The following KLF8 variants were observed in gnomAD, a reference collection of about 807,000 sequenced individuals.
KLF8 encodes the protein Krueppel-like factor 8.
In KLF8, 10 loss-of-function variants were observed where a neutral mutation model predicts 18.2. The observed-to-expected ratio is 0.55, with a 90% CI of 0.34 to 0.93. The LOEUF (loss-of-function observed/expected upper bound fraction) is 0.93. Ranked by LOEUF, KLF8 falls within the 40% of genes least tolerant of loss-of-function variation. The pLI is 0.02. For synonymous variants in KLF8, 109 were observed against 97.3 expected (o/e 1.12, Z -0.71); for missense variants, 264 against 277.9 (o/e 0.95, Z 0.36).
the KLF8 span, among the ~76,000 whole-genome samples, chrX:56,195,323 C>A: frequency 1.8e-5 from 2 of 111,485 alleles, no homozygotes; most frequent in Non-Finnish European, 3.8e-5. Flanking sequence ...CACAAGGAAG[C>A]TAAAACCCTT....
chrX:55,970,557 A>G, the KLF8 span, among the ~76,000 whole-genome samples: 1 of 111,950 alleles, frequency 8.9e-6, no homozygotes, highest in Non-Finnish European at 1.9e-5. Flanking sequence ...TAGTACTGCA[A>G]GTCCTAGCTA....
At chrX:56,146,871 A>G in the KLF8 span, among the ~76,000 whole-genome samples, 2 of 111,983 alleles carry the variant, frequency 1.8e-5, no homozygotes, top group Non-Finnish European at 3.8e-5. Flanking sequence ...TTCTTTCGTT[A>G]TATGAATAGA....
the KLF8 span, among the ~76,000 whole-genome samples, chrX:56,043,519 GT>G: frequency 2.3e-4 from 25 of 110,756 alleles, no homozygotes; most frequent in African/African-American, 7.5e-4. Flanking sequence ...ATTCCTTTTT[GT>G]TTTTTTCTTC....
At chrX:56,123,058 A>G in the KLF8 span, among the ~76,000 whole-genome samples, 1 of 110,466 alleles carries the variant, frequency 9.1e-6, no homozygotes, top group African/African-American at 3.3e-5. Flanking sequence ...TAAGAAGTCA[A>G]CGGAGTTGGA....
chrX:55,937,220 A>G, the KLF8 span, among the ~76,000 whole-genome samples: 1 of 111,344 alleles, frequency 9.0e-6, no homozygotes, highest in African/African-American at 3.3e-5. Flanking sequence ...GTTCACCAAT[A>G]TCCGCTGTTC....
At chrX:55,991,770 T>C in the KLF8 span, among the ~76,000 whole-genome samples, 10 of 112,556 alleles carry the variant, frequency 8.9e-5, no homozygotes, top group Admixed American at 5.6e-4. Flanking sequence ...CATATGTTAT[T>C]TTTTGTCTTT....
the KLF8 span, among the ~76,000 whole-genome samples, chrX:56,024,210 TC>T: frequency 3.1e-5 from 3 of 97,422 alleles, no homozygotes; most frequent in African/African-American, 1.6e-4. Context: ...CTTTTTAATT[TC>T]TTTTTTTTTT....
chrX:56,114,369 A>G, the KLF8 span, among the ~76,000 whole-genome samples: 1 of 112,280 alleles, frequency 8.9e-6, no homozygotes, highest in African/African-American at 3.2e-5. Context: ...GGACCCAAGG[A>G]CCTCCTCTAG....
At chrX:56,032,182 A>G in the KLF8 span, among the ~76,000 whole-genome samples, 1 of 110,964 alleles carries the variant, frequency 9.0e-6, no homozygotes, top group African/African-American at 3.3e-5. Flanking sequence ...ATAAAACAAT[A>G]TAAAACAATA....
chrX:56,138,998 G>A, the KLF8 span, among the ~76,000 whole-genome samples: 1 of 110,904 alleles, frequency 9.0e-6, no homozygotes, highest in South Asian at 3.8e-4. Flanking sequence ...GTGTACAACA[G>A]CATTTCTACA....
chrX:56,265,310 C>T lies in KLF8; in HGVS notation c.212C>T (p.Pro71Leu), dbSNP rs868781835. 2 of 1,207,934 alleles carry T rather than the reference C, an allele frequency of 1.7e-6. No individual in the cohort carries two copies. Among genetic ancestry groups the T allele is most frequent in the Admixed American group, 2.2e-5 (1 of 45,586 alleles). ...ALFNDIKIEP[P>L]EELLASDFSL... Reference sequence around the variant, plus strand: ...TTTAATGACATCAAGATTGAGCCCCCAGAAGAACTTTTGGCTAGTGATTTC... The same window carrying T: ...TTTAATGACATCAAGATTGAGCCCCTAGAAGAACTTTTGGCTAGTGATTTC... Residue 71 changes from proline (P) to leucine (L), a missense_variant, in exon 3 of 6, where the codon CCA (proline) becomes CTA (leucine). Transcript: ENST00000468660.
At chrX:55,955,689 C>G in the KLF8 span, among the ~76,000 whole-genome samples, 1 of 111,281 alleles carries the variant, frequency 9.0e-6, no homozygotes, top group South Asian at 3.8e-4. Context: ...TCGTTAGGTT[C>G]TATACCAAGA....
the KLF8 span, among the ~76,000 whole-genome samples, chrX:56,022,360 C>A: frequency 1.0e-4 from 11 of 108,831 alleles, no homozygotes; most frequent in East Asian, 2.9e-3. Context: ...TCCTGGCTAA[C>A]ACAGTGAAAC....
In KLF8 at chrX:56,279,256, G is replaced by A. The variant is rs79541689; in HGVS notation, c.899-5057G>A. On this transcript the variant is annotated intron_variant, in intron 5 of 5. Transcript: ENST00000468660. ...AGTTGTGAAATTGGTGTTCTTGTTG[G>A]GGCATGATTGGTAGAACATTCTATT... Among the ~76,000 whole-genome samples the A allele has an allele frequency of 1.5e-4, 17 of 110,353 alleles. No homozygotes were observed. The East Asian group carries it at 4.8e-3, about 31-fold the overall frequency.
At chrX:56,223,576 T>G in the KLF8 span, among the ~76,000 whole-genome samples, 3 of 112,677 alleles carry the variant, frequency 2.7e-5, no homozygotes, top group African/African-American at 9.7e-5. Flanking sequence ...ACTACTCTCT[T>G]TCAAACAATG....
chrX:56,136,102 G>A, the KLF8 span, among the ~76,000 whole-genome samples: 1 of 111,192 alleles, frequency 9.0e-6, no homozygotes, highest in Admixed American at 9.6e-5. Flanking sequence ...AATAAAAGAG[G>A]ATAAAAACAA....
the KLF8 span, among the ~76,000 whole-genome samples, chrX:56,095,137 G>T: frequency 9.0e-6 from 1 of 111,669 alleles, no homozygotes; most frequent in Non-Finnish European, 1.9e-5. Flanking sequence ...TAAATCCATG[G>T]AACAGAATAG....
rs369282415 is a variant in KLF8, at chrX:56,265,583, C to T, written c.485C>T (p.Thr162Ile). ...GSQQILHVIH[T>I]IPSVSLPNKM... is the part of the protein sequence containing the mutation. ...CAGCAGATCTTACATGTCATTCACACTATCCCCTCAGTCAGTCTGCCAAAT... is the reference window on the plus strand; with the variant it reads ...CAGCAGATCTTACATGTCATTCACATTATCCCCTCAGTCAGTCTGCCAAAT... Residue 162 changes from threonine to isoleucine, a missense_variant, in exon 3 of 6, where the codon ACT becomes ATT. Coordinates refer to ENST00000468660, the MANE Select transcript of KLF8 (RefSeq NM_007250.5). The T allele has an allele frequency of 1.7e-6, 2 of 1,210,270 alleles. No homozygotes were observed. The highest frequency in any genetic ancestry group is 3.5e-5 in the African/African-American group (2 of 57,248).
At chrX:56,230,996 A>T (rs2066396675), upstream of KLF8, among the ~76,000 whole-genome samples, 2 of 111,813 alleles carry the variant, frequency 1.8e-5, no homozygotes, top group Non-Finnish European at 3.8e-5. Context: ...AAGAAAAAAA[A>T]AGGTGGACAG....
Sources: allele counts gnomAD v4.1 joint callset (sites outside exome capture counted in the v4.1 genomes callset), GRCh38; gene constraint gnomAD v4.1.1; transcripts MANE v1.5; gene names NCBI Gene and HGNC (gene_info 2026-07-23, HGNC 2026-07-21).